The following ATL2 variants were observed in gnomAD, a reference collection of about 807,000 sequenced individuals.
The protein encoded by ATL2 is atlastin GTPase 2, also known as atlastin-2.
Under a neutral mutation model 73.9 loss-of-function variants are expected in ATL2, and 31 were observed. The ratio of observed to expected loss-of-function variants is 0.42; its 90% CI spans 0.32 to 0.57. The LOEUF (loss-of-function observed/expected upper bound fraction) is 0.57. ATL2 is among the 20% of genes least tolerant of loss of function. The probability of loss-of-function intolerance (pLI) is 0.14; values close to 1 mark genes in which losing one functional copy is unlikely to be tolerated. For synonymous variants in ATL2, 291 were observed against 237.5 expected (o/e 1.23, Z -2.07); for missense variants, 738 against 702.6 (o/e 1.05, Z -0.57).
At chr2:38,377,276 A>C (rs1672044498), upstream of ATL2, 1 of 1,547,840 alleles carries the variant, frequency 6.5e-7, no homozygotes. Flanking sequence ...ACCGATTTAA[A>C]ATTAACTCCC....
intron 11 of ATL2, 112 bp from the exon 12 acceptor site, chr2:38,298,687 G>C (rs1052585898): frequency 8.1e-6 from 9 of 1,114,746 alleles, no homozygotes; most frequent in Non-Finnish European, 1.2e-5. Context: ...GATTGAGTCA[G>C]TTTTAAACTC....
chr2:38,315,243 C>G, intron 5 of ATL2, 41 bp downstream of exon 5: 1 of 1,434,906 alleles, frequency 7.0e-7, no homozygotes, highest in Non-Finnish European at 9.1e-7. Context: ...AAGAGCGAAA[C>G]TCCATCTCAA....
intron 6 of ATL2, 119 bp from the exon 7 acceptor site, chr2:38,313,362 T>C (rs1007073145): frequency 2.8e-6 from 2 of 714,526 alleles, no homozygotes; most frequent in African/African-American, 1.8e-5. Flanking sequence ...TCAAAAGTTA[T>C]AGTAACTAAA....
chr2:38,308,012 T>C lies in ATL2; in HGVS notation c.1071+1367A>G, dbSNP rs368813180. Among the ~76,000 whole-genome samples, 65 of 152,156 alleles carry C rather than the reference T, an allele frequency of 4.3e-4. 3 individuals carry two copies. In the South Asian group the frequency reaches 7.5e-3, roughly 18 times the overall value. On this transcript the variant is annotated intron_variant, in intron 9 of 12. Coordinates refer to ENST00000378954, the MANE Select transcript of ATL2 (RefSeq NM_001135673.4). ...TCTTCGTACACTGTTGGCAGAAAGG[T>C]AAATTAGTACAACCACTATGGAGAA... is the stretch of plus-strand genomic sequence containing the variant.
chr2:38,341,986 T>C (rs998555426), intron 2 of ATL2, among the ~76,000 whole-genome samples: 3 of 152,224 alleles, frequency 2.0e-5, no homozygotes, highest in Non-Finnish European at 2.9e-5. Context: ...AAAAGTTCCC[T>C]ATATAGCAAT....
At chr2:38,340,472 C>T (rs962928130) in intron 2 of ATL2, among the ~76,000 whole-genome samples, 4 of 152,032 alleles carry the variant, frequency 2.6e-5, no homozygotes, top group Non-Finnish European at 4.4e-5. Flanking sequence ...AGCCAACATC[C>T]CCCACACCAT....
intron 1 of ATL2, among the ~76,000 whole-genome samples, chr2:38,346,111 G>A (rs1670003314): frequency 6.6e-6 from 1 of 152,182 alleles, no homozygotes; most frequent in African/African-American, 2.4e-5. Context: ...AGACTTGCTG[G>A]CTGTCCTTGA....
chr2:38,325,698 G>A (rs1430666244), intron 2 of ATL2, among the ~76,000 whole-genome samples: 24 of 4,100 alleles, frequency 5.9e-3, no homozygotes, highest in Non-Finnish European at 9.7e-3. Context: ...ACACACACCA[G>A]TACACACACA....
chr2:38,324,785 C>A (rs1668504964), intron 2 of ATL2, among the ~76,000 whole-genome samples: 1 of 152,184 alleles, frequency 6.6e-6, no homozygotes, highest in Admixed American at 6.5e-5. Context: ...ATAGGCCACA[C>A]ACAAAAGGAC....
At chr2:38,318,756 A>G (rs2148436845) in intron 3 of ATL2, 117 bp from the exon 4 acceptor site, 1 of 1,325,378 alleles carries the variant, frequency 7.5e-7, no homozygotes, top group Non-Finnish European at 1.0e-6. Flanking sequence ...CTTATATCTC[A>G]TACATTTGAC....
intron 1 of ATL2, among the ~76,000 whole-genome samples, chr2:38,373,625 C>T (rs1037633522): frequency 6.6e-6 from 1 of 152,280 alleles, no homozygotes; most frequent in East Asian, 1.9e-4. Flanking sequence ...GTGAAGGTGG[C>T]TACTTAAATA....
intron 1 of ATL2, among the ~76,000 whole-genome samples, chr2:38,374,565 TCTTAA>T (rs2124510121): frequency 6.6e-6 from 1 of 152,372 alleles, no homozygotes; most frequent in African/African-American, 2.4e-5. Context: ...CATTTCTGGC[TCTTAA>T]CTTTTTAAGG....
intron 1 of ATL2, chr2:38,354,008 C>A (rs1333936186): frequency 3.7e-6 from 1 of 272,268 alleles, no homozygotes; most frequent in Non-Finnish European, 7.3e-6. Context: ...TCCTGGCCAA[C>A]ATGGTGAAAC....
intron 10 of ATL2, 49 bp downstream of exon 10, chr2:38,300,223 C>T (rs1157995603): frequency 3.5e-6 from 5 of 1,420,818 alleles, no homozygotes; most frequent in African/African-American, 2.9e-5. Flanking sequence ...TTTTATTCTC[C>T]CTCATAAATA....
At chr2:38,371,266 G>C (rs977303810) in intron 1 of ATL2, among the ~76,000 whole-genome samples, 1 of 151,266 alleles carries the variant, frequency 6.6e-6, no homozygotes, top group Non-Finnish European at 1.5e-5. Context: ...CCAACACTTG[G>C]GAGGCAGAGA....
At chr2:38,341,604 A>C (rs1471716004) in intron 2 of ATL2, among the ~76,000 whole-genome samples, 1 of 152,204 alleles carries the variant, frequency 6.6e-6, no homozygotes, top group Non-Finnish European at 1.5e-5. Flanking sequence ...ACTAAAAGCC[A>C]TGTTCACACC....
intron 1 of ATL2, among the ~76,000 whole-genome samples, chr2:38,373,338 C>T (rs754706902): frequency 6.6e-6 from 1 of 152,208 alleles, no homozygotes; most frequent in African/African-American, 2.4e-5. Context: ...TACTGGCCAG[C>T]AGGATATCCA....
chr2:38,338,460 T>C (rs776676070), intron 2 of ATL2, among the ~76,000 whole-genome samples: 19 of 152,008 alleles, frequency 1.2e-4, no homozygotes, highest in Admixed American at 2.0e-4. Flanking sequence ...AAAATAAAAG[T>C]TAAAATTATT....
At chr2:38,348,195 G>A (rs899455242) in intron 1 of ATL2, among the ~76,000 whole-genome samples, 9 of 152,046 alleles carry the variant, frequency 5.9e-5, no homozygotes, top group East Asian at 1.9e-4. Context: ...GGCTAGGCGC[G>A]GTGGCTCACG....
Sources: allele counts gnomAD v4.1 joint callset (sites outside exome capture counted in the v4.1 genomes callset), GRCh38; gene constraint gnomAD v4.1.1; transcripts MANE v1.5; gene names NCBI Gene and HGNC (gene_info 2026-07-23, HGNC 2026-07-21).